The following FBXL18 variants were observed in gnomAD, a reference collection of about 807,000 sequenced individuals.
FBXL18 encodes F-box/LRR-repeat protein 18.
FBXL18 carries 36 observed loss-of-function variants against 46.0 expected under a neutral mutation model. The ratio of observed to expected loss-of-function variants is 0.78; its 90% CI spans 0.60 to 1.03. The LOEUF is 1.03. Ranked by LOEUF, FBXL18 falls within the 50% of genes least tolerant of loss-of-function variation. The pLI is 0.00. For synonymous variants in FBXL18, 557 were observed against 465.3 expected, an observed-to-expected ratio of 1.20 and a Z score of -2.54; for missense variants, 977 against 1,004.1, an observed-to-expected ratio of 0.97 and a Z score of 0.36.
downstream of FBXL18, among the ~76,000 whole-genome samples, chr7:5,475,429 T>C (rs1783493398): frequency 6.6e-6 from 1 of 152,204 alleles, no homozygotes; most frequent in African/African-American, 2.4e-5. The surrounding 1 kb of genome is among the most constrained non-coding windows in gnomAD (Gnocchi z 4.2). Context: ...CCACCACTTT[T>C]GCTGTCTGAG....
rs746179439 is a variant in FBXL18, at chr7:5,501,480, G to C, written c.789C>G (p.His263Gln). The C allele has an allele frequency of 4.0e-5, 64 of 1,613,772 alleles. No homozygotes were observed. The highest frequency in any genetic ancestry group is 2.5e-6 in the Non-Finnish European group (3 of 1,180,040). Residue 263 changes from histidine to glutamine, a missense_variant, in exon 3 of 5, where the codon CAC (histidine) becomes CAG (glutamine). Coordinates refer to ENST00000382368, the MANE Select transcript of FBXL18 (RefSeq NM_024963.6). ...TGCCAGGGACGGAGATGAGGAAGGCGTGGAGGTTCTGAGGAGTGCGGTCGC... is the reference window on the plus strand; with the variant it reads ...TGCCAGGGACGGAGATGAGGAAGGCCTGGAGGTTCTGAGGAGTGCGGTCGC... ...VLSDRTPQNL[H>Q]AFLISVPGSF...
chr7:5,470,686 C>T (rs12531685), intron 4 of FBXL18, among the ~76,000 whole-genome samples: 84,066 of 151,074 alleles, frequency 0.56, 23,973 homozygotes, highest in East Asian at 0.79. Flanking sequence ...CAGAGGCTGC[C>T]CCCTCCCCTT....
intron 1 of FBXL18, among the ~76,000 whole-genome samples, chr7:5,506,502 G>A (rs1267260498): frequency 1.3e-5 from 2 of 149,990 alleles, no homozygotes; most frequent in Non-Finnish European, 2.9e-5. Context: ...TGATTCATCC[G>A]CCTCAGTCTC....
rs1377409372 is a variant in FBXL18, at chr7:5,496,364, C to G, written c.1781+4124G>C. Among the ~76,000 whole-genome samples the G allele has an allele frequency of 6.6e-6, 1 of 152,192 alleles. No homozygotes were observed. The highest frequency in any genetic ancestry group is 1.5e-5 in the Non-Finnish European group (1 of 68,036). ...GAACACCCCCTCCCTCCGGCCAGTG[C>G]CTCCCTTGCTGACAGCCTCTGCTCG... is the stretch of plus-strand genomic sequence containing the variant. On this transcript the variant is annotated intron_variant, in intron 3 of 4. Coordinates refer to ENST00000382368, the MANE Select transcript of FBXL18 (RefSeq NM_024963.6). This position sits in a 1 kb window ranked among gnomAD's most constrained non-coding sequence, Gnocchi z 4.8.
intron 1 of FBXL18, among the ~76,000 whole-genome samples, chr7:5,510,302 CA>C (rs757878539): frequency 0.38 from 29,389 of 77,494 alleles, 2,663 homozygotes; most frequent in Admixed American, 0.43. Context: ...GACTCTGTCT[CA>C]AAAAAAAAAA....
At chr7:5,497,832 A>G (rs925893406) in intron 3 of FBXL18, among the ~76,000 whole-genome samples, 1 of 152,168 alleles carries the variant, frequency 6.6e-6, no homozygotes, top group Non-Finnish European at 1.5e-5. Context: ...GGCTCAGTGC[A>G]TGGCTCTCAG....
intron 1 of FBXL18, among the ~76,000 whole-genome samples, chr7:5,506,880 T>C (rs1784407745): frequency 6.6e-6 from 1 of 152,204 alleles, no homozygotes; most frequent in Admixed American, 6.6e-5. Context: ...GTAGTTCATA[T>C]CTGGCAAATT....
chr7:5,498,656 G>A (rs943457648), intron 3 of FBXL18, among the ~76,000 whole-genome samples: 13 of 152,156 alleles, frequency 8.5e-5, no homozygotes, highest in African/African-American at 2.9e-4. Context: ...TGCAACCTCT[G>A]CCTCCCGGGT....
chr7:5,463,398 T>G (rs1440181436), intron 4 of FBXL18, among the ~76,000 whole-genome samples: 1 of 151,728 alleles, frequency 6.6e-6, no homozygotes, highest in Non-Finnish European at 1.5e-5. Flanking sequence ...GGCAGGAGGA[T>G]CACTTGAGGC....
intron 4 of FBXL18, among the ~76,000 whole-genome samples, chr7:5,470,700 GGGGGGGAGA>G (rs1783413903): frequency 1.5e-5 from 2 of 133,604 alleles, no homozygotes; most frequent in Admixed American, 1.5e-4. Flanking sequence ...TCCCCTTCCC[GGGGGGGAGA>G]TGTCCCCTTC....
chr7:5,504,612 TTA>T (rs1244535516), intron 2 of FBXL18, among the ~76,000 whole-genome samples: 4 of 145,704 alleles, frequency 2.7e-5, no homozygotes, highest in Non-Finnish European at 6.0e-5. Flanking sequence ...GGCCTTATTT[TTA>T]TCTTTAAGAT....
At chr7:5,484,806 T>C (rs1783733895) in intron 4 of FBXL18, among the ~76,000 whole-genome samples, 1 of 151,984 alleles carries the variant, frequency 6.6e-6, no homozygotes, top group African/African-American at 2.4e-5. Context: ...GCCTGGCTAA[T>C]TTTTGTATCT....
At chr7:5,460,433 A>C (rs1783227833) in intron 4 of FBXL18, among the ~76,000 whole-genome samples, 1 of 152,082 alleles carries the variant, frequency 6.6e-6, no homozygotes, top group South Asian at 2.1e-4. Flanking sequence ...CCCTCCCTCA[A>C]ATAATGCCTC....
Position 5,513,727 on chromosome 7 carries a change from A to AG in FBXL18, c.-54_-53insC. On this transcript the variant is annotated 5_prime_UTR_variant, in exon 1 of 5. Coordinates refer to ENST00000382368, the MANE Select transcript of FBXL18 (RefSeq NM_024963.6). ...CGGGATCCGCAACCCCGTGCCTCCC[A>AG]CCTGCCCGGCTAGGGATGCTCGAAG... The AG allele has an allele frequency of 1.3e-6, 2 of 1,581,180 alleles. No individual in the cohort carries two copies. Among genetic ancestry groups the AG allele is most frequent in the Admixed American group, 3.6e-5 (2 of 55,192 alleles).
intron 4 of FBXL18, among the ~76,000 whole-genome samples, chr7:5,482,937 C>G (rs1447101314): frequency 1.3e-5 from 2 of 151,658 alleles, no homozygotes; most frequent in Non-Finnish European, 2.9e-5. Context: ...ACTTGGGAGG[C>G]TGAGGCAGGA....
chr7:5,475,508 G>A (rs1402543960), downstream of FBXL18, among the ~76,000 whole-genome samples: 4 of 152,054 alleles, frequency 2.6e-5, no homozygotes, highest in Non-Finnish European at 2.9e-5. The surrounding 1 kb of genome is among the most constrained non-coding windows in gnomAD (Gnocchi z 4.2). Flanking sequence ...TACCTGCACT[G>A]CTCCCTGCCA....
At chr7:5,468,130 C>T (rs918266874) in intron 4 of FBXL18, among the ~76,000 whole-genome samples, 1 of 152,038 alleles carries the variant, frequency 6.6e-6, no homozygotes, top group Non-Finnish European at 1.5e-5. Flanking sequence ...CTACAGGCGC[C>T]CGCCACCACA....
In FBXL18 at chr7:5,479,226, A is replaced by G. The variant is rs915505559; in HGVS notation, c.*2549T>C. The G allele has an allele frequency of 1.3e-5, 2 of 152,156 alleles. No homozygotes were observed. Among genetic ancestry groups the G allele is most frequent in the African/African-American group, 2.4e-5 (1 of 41,428 alleles). The allele number at this position is 152,156 out of a possible 1,614,324, so 9.4% of individuals were successfully genotyped here. Reference sequence around the variant, plus strand: ...AACAGCCCTTCCCCCAGTCCTGTCTATGAGTATAAATTATGCTGCTGGTTA... The same window carrying G: ...AACAGCCCTTCCCCCAGTCCTGTCTGTGAGTATAAATTATGCTGCTGGTTA... On this transcript the variant is annotated 3_prime_UTR_variant, in exon 5 of 5. Coordinates refer to ENST00000382368, the MANE Select transcript of FBXL18 (RefSeq NM_024963.6).
intron 4 of FBXL18, chr7:5,490,127 G>A (rs28566736): frequency 0.46 from 625,729 of 1,358,906 alleles, 145,901 homozygotes; most frequent in East Asian, 0.69. Flanking sequence ...GGTTGTCGGC[G>A]CCCAGTGGCT....
Sources: gnomAD v4.1 joint callset for allele counts (sites outside exome capture counted in the v4.1 genomes callset) on GRCh38, gnomAD v4.1.1 for gene constraint, Gnocchi (gnomAD v3.1) non-coding constraint, MANE v1.5 for transcripts, NCBI Gene and HGNC (gene_info 2026-07-23, HGNC 2026-07-21) for gene names.